The following ABCC1 variants were observed in gnomAD, a reference collection of about 807,000 sequenced individuals.
ABCC1 encodes the protein multidrug resistance-associated protein 1.
Under a neutral mutation model 172.9 loss-of-function variants are expected in ABCC1, and 83 were observed. The ratio of observed to expected loss-of-function variants is 0.48; its 90% CI spans 0.40 to 0.58. The LOEUF (loss-of-function observed/expected upper bound fraction) is 0.58. Among genes scored for constraint, ABCC1 ranks in the 20% least tolerant of loss-of-function variants. ABCC1 has a pLI of 0.00. For synonymous variants in ABCC1, 937 were observed against 825.2 expected (o/e 1.14, Z -2.32); for missense variants, 1,817 against 2,002.7 (o/e 0.91, Z 1.77).
In ABCC1 at chr16:16,016,495, G is replaced by A; in HGVS notation, c.490-1G>A. The A allele has an allele frequency of 6.2e-7, 1 of 1,613,836 alleles. No individual in the cohort carries two copies. Among genetic ancestry groups the A allele is most frequent in the Non-Finnish European group, 8.5e-7 (1 of 1,179,924 alleles). ...TTCTTCCTTCCTTCCCCACCATGTA[G>A]GATGCCCAGGTGGACCTGTTTCGTG... On this transcript the variant is annotated splice_acceptor_variant, in intron 4 of 30. Coordinates refer to ENST00000399410, the MANE Select transcript of ABCC1 (RefSeq NM_004996.4). LOFTEE classifies it high-confidence loss of function.
intron 19 of ABCC1, among the ~76,000 whole-genome samples, chr16:16,096,295 G>C (rs2051478346): frequency 6.6e-6 from 1 of 151,502 alleles, no homozygotes; most frequent in Non-Finnish European, 1.5e-5. Flanking sequence ...CTGCCCAGAA[G>C]GGGAGCTGTT....
At chr16:16,090,675 C>A in intron 19 of ABCC1, 87 bp downstream of exon 19, 2 of 1,411,466 alleles carry the variant, frequency 1.4e-6, no homozygotes, top group Non-Finnish European at 1.9e-6. Context: ...CCACCAGCCA[C>A]TTGGGGAAGG....
At chr16:16,119,690 AAAAAT>A (rs898944987) in intron 23 of ABCC1, among the ~76,000 whole-genome samples, 4 of 152,194 alleles carry the variant, frequency 2.6e-5, no homozygotes, top group East Asian at 1.9e-4. Flanking sequence ...GACTGTCTTA[AAAAAT>A]AAAATAAGAT....
In ABCC1 at chr16:16,090,377, C is replaced by T. The variant is rs768279478; in HGVS notation, c.2461-28C>T. 13 of 1,557,268 alleles carry T rather than the reference C, an allele frequency of 8.3e-6. No individual in the cohort carries two copies. In the East Asian group the frequency reaches 9.1e-5, roughly 11 times the overall value. Reference sequence around the variant, plus strand: ...AGGCAGTCTCACACATGTGCACTCACGTGGCCGGGTGTCCCCTTTGCCCAC... The same window carrying T: ...AGGCAGTCTCACACATGTGCACTCATGTGGCCGGGTGTCCCCTTTGCCCAC... On this transcript the variant is annotated intron_variant, in intron 18 of 30. Transcript: ENST00000399410.
At chr16:16,114,374 C>T (rs1596525382) in intron 22 of ABCC1, among the ~76,000 whole-genome samples, 1 of 150,954 alleles carries the variant, frequency 6.6e-6, no homozygotes, top group Non-Finnish European at 1.5e-5. Context: ...GAGTCTCATT[C>T]TGTCGCCCAT....
intron 14 of ABCC1, 106 bp downstream of exon 14, chr16:16,071,835 C>T: frequency 9.6e-7 from 1 of 1,040,944 alleles, no homozygotes; most frequent in Admixed American, 2.1e-5. Context: ...AGGTTTGACT[C>T]TGCCCAGCCG....
At chr16:15,982,934 G>A (rs1473238484) in intron 1 of ABCC1, among the ~76,000 whole-genome samples, 2 of 151,796 alleles carry the variant, frequency 1.3e-5, no homozygotes, top group Non-Finnish European at 2.9e-5. Flanking sequence ...AATTCATATG[G>A]TTCATCCTAG....
intron 7 of ABCC1, among the ~76,000 whole-genome samples, chr16:16,038,749 G>A (rs1056779310): frequency 2.0e-5 from 3 of 151,940 alleles, no homozygotes; most frequent in South Asian, 2.1e-4. Flanking sequence ...CATCCCCCCC[G>A]CTAAGCAGGC....
Position 16,141,215 on chromosome 16 carries a change from C to T in ABCC1, c.4530C>T (p.Ala1510=), listed in dbSNP as rs764642029. ...LDKGEIQEYG[A]PSDLLQQRGL... ...AAGGAGAAATCCAGGAGTACGGCGC[C>T]CCATCGGACCTCCTGCAGCAGAGAG... is the stretch of plus-strand genomic sequence containing the variant. The change falls in exon 31 of 31, where the codon GCC becomes GCT. Residue 1510 remains alanine (A), a synonymous_variant. Coordinates refer to ENST00000399410, the MANE Select transcript of ABCC1 (RefSeq NM_004996.4). 6 of 1,613,898 alleles carry T rather than the reference C, an allele frequency of 3.7e-6. No homozygotes were observed. The Admixed American group carries it at 6.7e-5, about 18-fold the overall frequency.
At chr16:15,954,228 C>G (rs2045938494) in intron 1 of ABCC1, among the ~76,000 whole-genome samples, 1 of 152,194 alleles carries the variant, frequency 6.6e-6, no homozygotes, top group African/African-American at 2.4e-5. Flanking sequence ...GGGGTTTCAT[C>G]ATGTTGGCCA....
chr16:16,001,206 A>T (rs1018876407), intron 1 of ABCC1, among the ~76,000 whole-genome samples: 1 of 151,050 alleles, frequency 6.6e-6, no homozygotes, highest in African/African-American at 2.4e-5. Context: ...AGGGTTGGTT[A>T]TTTTTTTTTA....
At position 16,125,922 on chromosome 16, in the gene ABCC1, G is replaced by C. The variant is rs1567434132; in HGVS notation, c.3819+11G>C. On this transcript the variant is annotated intron_variant, in intron 26 of 30. Coordinates refer to ENST00000399410, the MANE Select transcript of ABCC1 (RefSeq NM_004996.4). ...GAGACTGAGAAGGAGGTAGGCAAGGGCCCCTGGCTGGACCTCTTGGTCTTT... is the reference window on the plus strand; with the variant it reads ...GAGACTGAGAAGGAGGTAGGCAAGGCCCCCTGGCTGGACCTCTTGGTCTTT... The C allele has an allele frequency of 1.2e-6, 2 of 1,607,424 alleles. No individual in the cohort carries two copies. The highest frequency in any genetic ancestry group is 1.7e-5 in the Admixed American group (1 of 59,856).
intron 24 of ABCC1, among the ~76,000 whole-genome samples, chr16:16,124,391 G>GTT (rs2045333525): frequency 7.9e-6 from 1 of 125,942 alleles, no homozygotes; most frequent in South Asian, 2.8e-4. Context: ...GTGTGTGTGT[G>GTT]TGTGTGTGTG....
At chr16:15,950,742 TG>T (rs2045851849) in intron 1 of ABCC1, among the ~76,000 whole-genome samples, 1 of 152,194 alleles carries the variant, frequency 6.6e-6, no homozygotes, top group African/African-American at 2.4e-5. Context: ...TAGGCAAATC[TG>T]GACACGACTG....
At chr16:16,062,224 C>T (rs1041080415) in intron 12 of ABCC1, among the ~76,000 whole-genome samples, 2 of 152,232 alleles carry the variant, frequency 1.3e-5, no homozygotes, top group Non-Finnish European at 2.9e-5. Context: ...GATTCGTTGG[C>T]AAAACCCACA....
intron 19 of ABCC1, among the ~76,000 whole-genome samples, chr16:16,101,553 C>T (rs564662639): frequency 6.6e-6 from 1 of 152,280 alleles, no homozygotes; most frequent in East Asian, 1.9e-4. Flanking sequence ...GTCACCCTGA[C>T]CATGCTGCTG....
chr16:16,035,254 T>C (rs1426552938), intron 6 of ABCC1, among the ~76,000 whole-genome samples: 1 of 151,892 alleles, frequency 6.6e-6, no homozygotes, highest in Admixed American at 6.6e-5. Context: ...ATACAAAAAT[T>C]AGCCGGGCAG....
intron 12 of ABCC1, among the ~76,000 whole-genome samples, chr16:16,065,618 A>G (rs780300964): frequency 2.0e-5 from 3 of 152,128 alleles, no homozygotes; most frequent in Non-Finnish European, 2.9e-5. Context: ...TTTTTAGTAG[A>G]GACAGGGTTT....
chr16:16,006,877 C>CGGTGAT (rs1177563955), intron 1 of ABCC1, among the ~76,000 whole-genome samples: 1 of 149,392 alleles, frequency 6.7e-6, no homozygotes, highest in African/African-American at 2.5e-5. Flanking sequence ...GTGGCGGTGG[C>CGGTGAT]GGTGATGGTG....
Sources: allele counts gnomAD v4.1 joint callset (sites outside exome capture counted in the v4.1 genomes callset), GRCh38; gene constraint gnomAD v4.1.1; transcripts MANE v1.5; gene names NCBI Gene and HGNC (gene_info 2026-07-23, HGNC 2026-07-21).